WDR87: variants seen among roughly 807,000 people sequenced by gnomAD.
WDR87 encodes WD repeat-containing protein 87.
WDR87 carries 56 observed loss-of-function variants against 83.3 expected under a neutral mutation model. The observed-to-expected ratio is 0.67, with a 90% CI of 0.54 to 0.84. The LOEUF is 0.84. Ranked by LOEUF, WDR87 falls within the 40% of genes least tolerant of loss-of-function variation. WDR87 has a pLI of 0.00. For missense variants in WDR87, 2,939 were observed against 3,431.9 expected, an observed-to-expected ratio of 0.86 and a Z score of 3.59; for synonymous variants, 1,173 against 1,250.6, an observed-to-expected ratio of 0.94 and a Z score of 1.31.
chr19:37,904,346 T>TTGTGTGTG (rs759289476), intron 1 of WDR87, among the ~76,000 whole-genome samples: 59 of 151,122 alleles, frequency 3.9e-4, no homozygotes, highest in Non-Finnish European at 7.5e-4. Flanking sequence ...TGTCTTTCTT[T>TTGTGTGTG]TGTGTGTGTG....
intron 2 of WDR87, among the ~76,000 whole-genome samples, chr19:37,897,192 A>G (rs1424590730): frequency 7.2e-5 from 10 of 139,350 alleles, no homozygotes; most frequent in Non-Finnish European, 1.5e-5. Flanking sequence ...TGAAACATGC[A>G]TCTGGGATCC....
At position 37,889,744 on chromosome 19, in the gene WDR87, C is replaced by A. The variant is rs1300623491; in HGVS notation, c.3927G>T (p.Val1309=). ...KMSENLNAEL[V]TFAQEMLVDR... is the part of the protein sequence containing the mutation. ...CTACCAGCATCTCCTGAGCAAATGTCACTAGCTCAGCGTTTAGGTTTTCTG... is the reference window on the plus strand; with the variant it reads ...CTACCAGCATCTCCTGAGCAAATGTAACTAGCTCAGCGTTTAGGTTTTCTG... The change falls in exon 6 of 6, where the codon GTG becomes GTT. Residue 1309 remains valine (V), a synonymous_variant. Coordinates refer to ENST00000447313, the MANE Select transcript of WDR87 (RefSeq NM_001291088.2). 6.4e-7 allele frequency: 1 copy of A among 1,551,742 alleles called. No homozygotes were observed. Among genetic ancestry groups the A allele is most frequent in the East Asian group, 2.4e-5 (1 of 40,920 alleles).
At position 37,897,034 on chromosome 19, in the gene WDR87, C is replaced by T. The variant is rs1280869911; in HGVS notation, c.76-726G>A. 1.1e-4 allele frequency among the ~76,000 whole-genome samples: 16 copies of T among 152,258 alleles called. No homozygotes were observed. The East Asian group carries it at 1.9e-3, about 18-fold the overall frequency. ...ACGCACACATGGAATATAGCGGAAT[C>T]TCCCAAAGTCAGTGCAGCTCTAAGT... On this transcript the variant is annotated intron_variant, in intron 2 of 5. Transcript: ENST00000447313.
chr19:37,889,345 C>T lies in WDR87; in HGVS notation c.4326G>A (p.Gly1442=). The change falls in exon 6 of 6, where the codon GGG becomes GGA. Residue 1442 remains glycine, a synonymous_variant. Coordinates refer to ENST00000447313, the MANE Select transcript of WDR87 (RefSeq NM_001291088.2). The stretch of plus-strand genomic sequence containing the variant: ...TTCTTTCCTTCTGGACAGCTTTCCT[C>T]CCTTGCTTAGGTGACTTCTGAAAGG... ...KKTFQKSPKQ[G]RKAVQKERKV... is the part of the protein sequence containing the mutation. 1 of 1,551,978 alleles carries T rather than the reference C, an allele frequency of 6.4e-7. No homozygotes were observed. The highest frequency in any genetic ancestry group is 2.4e-5 in the East Asian group (1 of 40,910).
At position 37,885,345 on chromosome 19, in the gene WDR87, G is replaced by T. The variant is rs117520417; in HGVS notation, c.8326C>A (p.Arg2776=). 1 of 1,551,650 alleles carries T rather than the reference G, an allele frequency of 6.4e-7. No individual in the cohort carries two copies. Among genetic ancestry groups the T allele is most frequent in the Non-Finnish European group, 8.7e-7 (1 of 1,146,976 alleles). Reference sequence around the variant, plus strand: ...TTTGGATATCGCTGCTGCAGCATCCGCAAAACATGGTACAGTGCCACAAAT... The same window carrying T: ...TTTGGATATCGCTGCTGCAGCATCCTCAAAACATGGTACAGTGCCACAAAT... ...ETFVALYHVL[R]MLQQRYPKDS... The change falls in exon 6 of 6, where the codon CGG becomes AGG. Residue 2776 remains arginine (R), a synonymous_variant. Coordinates refer to ENST00000447313, the MANE Select transcript of WDR87 (RefSeq NM_001291088.2).
rs188583970 is a variant in WDR87, at chr19:37,889,403, C to T, written c.4268G>A (p.Gly1423Glu). 2.3e-5 allele frequency: 36 copies of T among 1,551,664 alleles called. No homozygotes were observed. The Admixed American group carries it at 6.9e-4, about 30-fold the overall frequency. Residue 1423 changes from glycine to glutamate, a missense_variant, in exon 6 of 6, where the codon GGA becomes GAA. By Grantham distance (98) the Gly-to-Glu change is moderately conservative. This residue lies in a region of WDR87 where 2,160 missense variants were observed against 2,533.1 expected (regional missense o/e 0.85). Coordinates refer to ENST00000447313, the MANE Select transcript of WDR87 (RefSeq NM_001291088.2). ...CTCTTCTTTCTTTGATATTTCTTTT[C>T]CCATGGTTACATTACCTGGTTCTAA... ...IFLEPGNVTMGKEISKKEEKK... is the reference protein window; with the variant it reads ...IFLEPGNVTMEKEISKKEEKK...
Position 37,891,787 on chromosome 19 carries a change from A to G in WDR87, c.3159T>C (p.His1053=). ...GATCTGTGGCCCGCATCCCCAGTAG[A>G]TGGTCCAGGGGTTCCTCCCCGATCA... is the stretch of plus-strand genomic sequence containing the variant. ...QQMIGEEPLD[H]LLGMRATDLQ... The change falls in exon 5 of 6, where the codon CAT becomes CAC. Residue 1053 remains histidine (H), a synonymous_variant. Coordinates refer to ENST00000447313, the MANE Select transcript of WDR87 (RefSeq NM_001291088.2). 1.3e-6 allele frequency: 2 copies of G among 1,552,268 alleles called. No homozygotes were observed. The highest frequency in any genetic ancestry group is 1.7e-6 in the Non-Finnish European group (2 of 1,147,132).
chr19:37,895,962 G>A (rs1800487073), intron 3 of WDR87, 176 bp downstream of exon 3: 13 of 860,388 alleles, frequency 1.5e-5, no homozygotes, highest in Non-Finnish European at 2.2e-5. Context: ...TACTTCGGGG[G>A]AACCATACAA....
rs532922660 is a variant in WDR87, at chr19:37,890,331, C to A, written c.3395-55G>T. ...GCAAAGTATGGGAAGCGACATGAAACCCTTCCCAATATTAGGTGTGAGCTA... is the reference window on the plus strand; with the variant it reads ...GCAAAGTATGGGAAGCGACATGAAAACCTTCCCAATATTAGGTGTGAGCTA... On this transcript the variant is annotated intron_variant, in intron 5 of 5. Coordinates refer to ENST00000447313, the MANE Select transcript of WDR87 (RefSeq NM_001291088.2). 8.9e-6 allele frequency: 13 copies of A among 1,459,428 alleles called. 1 individual carries two copies. In the South Asian group the frequency reaches 1.5e-4, roughly 16 times the overall value. The allele number at this position is 1,459,428 out of a possible 1,614,324, so 90.4% of individuals were successfully genotyped here.
rs2046186084 is a variant in WDR87 at position 37,889,669 on chromosome 19, C to T, written c.4002G>A (p.Lys1334=). ...CCTCAAGCAGAACCTTACTTTCTTTCTTCAATAGGGGGCAGATCTCCTGAA... is the reference window on the plus strand; with the variant it reads ...CCTCAAGCAGAACCTTACTTTCTTTTTTCAATAGGGGGCAGATCTCCTGAA... ...ELFQEICPLL[K]KESKVLLEDL... Residue 1334 remains lysine (K), a synonymous_variant, in exon 6 of 6, where the codon AAG becomes AAA. Coordinates refer to ENST00000447313, the MANE Select transcript of WDR87 (RefSeq NM_001291088.2). The T allele has an allele frequency of 1.3e-6, 2 of 1,551,680 alleles. No individual in the cohort carries two copies. The highest frequency in any genetic ancestry group is 2.4e-5 in the South Asian group (2 of 84,068).
At chr19:37,903,051 G>A (rs1042071928) in intron 1 of WDR87, among the ~76,000 whole-genome samples, 11 of 152,196 alleles carry the variant, frequency 7.2e-5, no homozygotes, top group Non-Finnish European at 1.2e-4. Flanking sequence ...AAAGTATGAA[G>A]TGCTTTGAGT....
chr19:37,886,678 CT>C lies in WDR87; in HGVS notation c.6992del (p.Lys2331ArgfsTer22). 1 of 1,484,058 alleles carries C rather than the reference CT, an allele frequency of 6.7e-7. No individual in the cohort carries two copies. The highest frequency in any genetic ancestry group is 9.1e-7 in the Non-Finnish European group (1 of 1,094,622). 91.9% of individuals were successfully genotyped at this position (1,484,058 alleles called of 1,614,324 possible). A position where few individuals can be genotyped will look rare whatever the true frequency, so the allele number is the denominator to read the frequency against. ...KEEEEKKKKKKEKKKEEVQEK... is the reference protein window; with the variant it reads ...KEEEEKKKKKXEKKKEEVQEK... ...CCTGAACCTCCTCCTTCTTCTTTTCCTTTTTCTTCTTCTTCTTCTCCTCCTC... is the reference window on the plus strand; with the variant it reads ...CCTGAACCTCCTCCTTCTTCTTTTCCTTTTCTTCTTCTTCTTCTCCTCCTC... On this transcript the variant is annotated frameshift_variant, in exon 6 of 6. Coordinates refer to ENST00000447313, the MANE Select transcript of WDR87 (RefSeq NM_001291088.2). LOFTEE classifies it low-confidence loss of function (END_TRUNC).
chr19:37,903,979 G>A (rs1049024672), intron 1 of WDR87, among the ~76,000 whole-genome samples: 5 of 151,992 alleles, frequency 3.3e-5, no homozygotes, highest in Admixed American at 6.6e-5. Flanking sequence ...CGCCATCTCC[G>A]CTCACTACAA....
At chr19:37,892,551 G>T in intron 4 of WDR87, 27 bp downstream of exon 4, 1 of 1,456,708 alleles carries the variant, frequency 6.9e-7, no homozygotes, top group Non-Finnish European at 9.1e-7. Context: ...CGAATGGGGT[G>T]AAGAATTGAA....
Position 37,894,670 on chromosome 19 carries a change from T to A in WDR87, c.1033A>T (p.Ser345Cys). ...CAGGGCAGGCGGTGCAAGGAAAAAC[T>A]ATGGGCAGTTTGGCAGAAGAAAGTA... ...SITFFCQTAH[S>C]FSLHRLPCFY... is the part of the protein sequence containing the mutation. Residue 345 changes from serine (S) to cysteine (C), a missense_variant, in exon 4 of 6, where the codon AGT becomes TGT. Coordinates refer to ENST00000447313, the MANE Select transcript of WDR87 (RefSeq NM_001291088.2). 1.9e-6 allele frequency: 3 copies of A among 1,551,656 alleles called. No individual in the cohort carries two copies. Among genetic ancestry groups the A allele is most frequent in the Non-Finnish European group, 1.7e-6 (2 of 1,146,986 alleles).
At chr19:37,906,180 TAA>T (rs1320935849) in intron 1 of WDR87, among the ~76,000 whole-genome samples, 1 of 152,078 alleles carries the variant, frequency 6.6e-6, no homozygotes. Context: ...CAATATACCT[TAA>T]AAAAGGAGTG....
In WDR87 at chr19:37,895,089, C is replaced by A. The variant is rs949667675; in HGVS notation, c.614G>T (p.Gly205Val). Residue 205 changes from glycine to valine, a missense_variant, in exon 4 of 6, where the codon GGT (glycine) becomes GTT (valine). By Grantham distance (109) the Gly-to-Val change is moderately radical. This residue lies in a region of WDR87 where 226 missense variants were observed against 320.9 expected (regional missense o/e 0.70). Coordinates refer to ENST00000447313, the MANE Select transcript of WDR87 (RefSeq NM_001291088.2). ...CAGGGCCAGGAGGGAGCCACTGGGA[C>A]CATTCAGCACGATGTCCTGGACAAG... Reference protein sequence around the residue: ...DELVQDIVLNGPSGSLLALCE... With the variant: ...DELVQDIVLNVPSGSLLALCE... 1.9e-6 allele frequency: 3 copies of A among 1,551,634 alleles called. No homozygotes were observed. The African/African-American group carries it at 4.1e-5, about 21-fold the overall frequency.
chr19:37,889,555 G>A lies in WDR87; in HGVS notation c.4116C>T (p.Thr1372=), dbSNP rs1214130795. The change falls in exon 6 of 6, where the codon ACC becomes ACT. Residue 1372 remains threonine, a synonymous_variant. Transcript: ENST00000447313. The stretch of plus-strand genomic sequence containing the variant: ...CTTCCTTGTGTCTGATCACCTCTTG[G>A]GTCACACCTTGTATCATGTCCTCTC... ...AIREDMIQGV[T]QEVIRHKEVM... 6.4e-7 allele frequency: 1 copy of A among 1,551,482 alleles called. No homozygotes were observed. The highest frequency in any genetic ancestry group is 2.4e-5 in the East Asian group (1 of 40,900).
At position 37,899,292 on chromosome 19, in the gene WDR87, C is replaced by T. The variant is rs565248493; in HGVS notation, c.-46-1007G>A. ...AAATTAGCTGGGCGTTGTGGCACGC[C>T]CCTGTAATCCCAGCTACTCTGGAGG... On this transcript the variant is annotated intron_variant, in intron 1 of 5. Coordinates refer to ENST00000447313, the MANE Select transcript of WDR87 (RefSeq NM_001291088.2). Among the ~76,000 whole-genome samples the T allele has an allele frequency of 2.7e-4, 41 of 151,392 alleles. 1 individual carries two copies. The South Asian group carries it at 4.2e-3, about 15-fold the overall frequency.
Sources: allele counts gnomAD v4.1 joint callset (sites outside exome capture counted in the v4.1 genomes callset), GRCh38; gene constraint gnomAD v4.1.1; regional missense constraint gnomAD v4.1.1; transcripts MANE v1.5; gene names NCBI Gene and HGNC (gene_info 2026-07-23, HGNC 2026-07-21).